Variants in PP2D1 observed in about 807,000 individuals in gnomAD.
PP2D1 encodes protein phosphatase 2C like domain containing 1.
A neutral mutation model predicts 30.2 loss-of-function variants in PP2D1; 25 were observed. The ratio of observed to expected loss-of-function variants is 0.83; its 90% CI spans 0.60 to 1.16. The LOEUF is 1.16. PP2D1 is among the 50% of genes most tolerant of loss of function. The pLI, the probability that PP2D1 is intolerant of heterozygous loss-of-function variation, is 0.00. For synonymous variants in PP2D1, 260 were observed against 258.9 expected (o/e 1.00, Z -0.04); for missense variants, 760 against 742.4 (o/e 1.02, Z -0.28).
intron 2 of PP2D1, among the ~76,000 whole-genome samples, chr3:19,995,963 A>C (rs1011764475): frequency 4.6e-5 from 7 of 152,198 alleles, no homozygotes; most frequent in African/African-American, 1.4e-4. Context: ...GGGATGCAGC[A>C]AAAGTGATAC....
At chr3:20,011,146 A>G (rs1397953214) in intron 1 of PP2D1, among the ~76,000 whole-genome samples, 1 of 152,172 alleles carries the variant, frequency 6.6e-6, no homozygotes, top group Non-Finnish European at 1.5e-5. Context: ...CAAGAGAATG[A>G]TCAGTTAGCC....
At chr3:20,008,906 A>G (rs920074498) in intron 1 of PP2D1, among the ~76,000 whole-genome samples, 1 of 152,188 alleles carries the variant, frequency 6.6e-6, no homozygotes, top group African/African-American at 2.4e-5. Context: ...GGGACACTGA[A>G]AAAAAAGCCT....
chr3:19,985,852 A>C lies in PP2D1; in HGVS notation c.1421T>G (p.Phe474Cys). 6.5e-7 allele frequency: 1 copy of C among 1,536,316 alleles called. No homozygotes were observed. Among genetic ancestry groups the C allele is most frequent in the Non-Finnish European group, 8.7e-7 (1 of 1,146,914 alleles). The change falls in exon 3 of 3, where the codon TTT (phenylalanine) becomes TGT (cysteine). Residue 474 changes from phenylalanine (F) to cysteine (C), a missense_variant. Physicochemically the swap from Phe to Cys is radical, Grantham distance 205. Around this residue, in one of 3 missense-constraint regions of PP2D1, gnomAD observed 369 missense variants for 316.2 expected, o/e 1.17. Transcript: ENST00000389050. ...ACAGTATGTTTCTTTATACATGTGAAATGTTGTCATTGCCAGGGCAGTAAC... is the reference window on the plus strand; with the variant it reads ...ACAGTATGTTTCTTTATACATGTGACATGTTGTCATTGCCAGGGCAGTAAC... ...EEVTALAMTT[F>C]HMYKETYCPI...
chr3:19,982,367 G>A (rs115814778), downstream of PP2D1, among the ~76,000 whole-genome samples: 1,325 of 152,326 alleles, frequency 8.7e-3, 8 homozygotes, highest in Non-Finnish European at 0.011. Context: ...AGGTATGTTT[G>A]TGTGTGAGTA....
intron 2 of PP2D1, among the ~76,000 whole-genome samples, chr3:20,000,068 A>G (rs1317541864): frequency 6.6e-6 from 1 of 152,302 alleles, no homozygotes; most frequent in African/African-American, 2.4e-5. Flanking sequence ...TGTCTCTGCC[A>G]CAAAGTCCCA....
rs1484563064 is a variant in PP2D1 at position 20,001,734 on chromosome 3, T to A, written c.386A>T (p.Gln129Leu). 1 of 1,531,772 alleles carries A rather than the reference T, an allele frequency of 6.5e-7. No individual in the cohort carries two copies. The highest frequency in any genetic ancestry group is 8.7e-7 in the Non-Finnish European group (1 of 1,145,296). The allele number at this position is 1,531,772 out of a possible 1,614,324, so 94.9% of individuals were successfully genotyped here. A position where few individuals can be genotyped will look rare whatever the true frequency, so the allele number is the denominator to read the frequency against. ...SSFMFTEKTL[Q>L]SINNAFELLW... ...CAGCTCAAAAGCATTATTAATGCTC[T>A]GTAGGGTTTTTTCAGTGAACATAAA... is the stretch of plus-strand genomic sequence containing the variant. The change falls in exon 2 of 3, where the codon CAG (glutamine) becomes CTG (leucine). Residue 129 changes from glutamine (Q) to leucine (L), a missense_variant. By Grantham distance (113) the Gln-to-Leu change is moderately radical. Coordinates refer to ENST00000389050, the MANE Select transcript of PP2D1 (RefSeq NM_001252657.2).
chr3:19,992,849 A>C (rs1697134627), intron 2 of PP2D1, among the ~76,000 whole-genome samples: 2 of 152,264 alleles, frequency 1.3e-5, no homozygotes, highest in South Asian at 4.1e-4. Flanking sequence ...TGAGAAGGGA[A>C]GGGGGCTTCA....
At chr3:19,989,992 T>G (rs1283218505) in intron 2 of PP2D1, among the ~76,000 whole-genome samples, 1 of 152,156 alleles carries the variant, frequency 6.6e-6, no homozygotes, top group Non-Finnish European at 1.5e-5. Flanking sequence ...TGTAGCGTTA[T>G]GCACTATTTG....
At chr3:20,000,963 A>T (rs1575087160) in intron 2 of PP2D1, 67 bp downstream of exon 2, 3 of 857,100 alleles carry the variant, frequency 3.5e-6, no homozygotes, top group Non-Finnish European at 4.7e-6. Context: ...TTGTGGAAGC[A>T]TGAGGGGTTT....
intron 1 of PP2D1, among the ~76,000 whole-genome samples, chr3:20,010,722 G>T (rs1251567890): frequency 1.3e-5 from 2 of 152,128 alleles, no homozygotes; most frequent in Non-Finnish European, 2.9e-5. Flanking sequence ...AGAATTGCTT[G>T]AACCCAGGGG....
downstream of PP2D1, chr3:19,985,278 T>A: frequency 2.5e-6 from 2 of 793,186 alleles, no homozygotes; most frequent in Non-Finnish European, 3.9e-6. Context: ...TTTACTATGT[T>A]CATAAAATTA....
intron 2 of PP2D1, among the ~76,000 whole-genome samples, chr3:19,994,459 C>A (rs1697153764): frequency 1.3e-5 from 2 of 152,150 alleles, no homozygotes; most frequent in African/African-American, 2.4e-5. Context: ...AACAACACCC[C>A]ATCTCTGCAA....
intron 2 of PP2D1, among the ~76,000 whole-genome samples, chr3:19,998,644 T>C (rs1468960372): frequency 2.6e-5 from 4 of 152,196 alleles, no homozygotes; most frequent in Non-Finnish European, 5.9e-5. Flanking sequence ...AGTACCTTTT[T>C]CTACATGCAC....
chr3:20,003,193 T>G (rs1471528771), intron 1 of PP2D1, among the ~76,000 whole-genome samples: 2 of 149,778 alleles, frequency 1.3e-5, no homozygotes, highest in Non-Finnish European at 3.0e-5. Flanking sequence ...CTCCTTATAT[T>G]AAAAAAAAAA....
At chr3:20,004,782 C>T (rs781394861) in intron 1 of PP2D1, among the ~76,000 whole-genome samples, 7 of 151,670 alleles carry the variant, frequency 4.6e-5, no homozygotes, top group African/African-American at 7.3e-5. Context: ...AAAAAAAATA[C>T]TTTGGTTACA....
intron 1 of PP2D1, among the ~76,000 whole-genome samples, chr3:20,011,590 G>A (rs1228829290): frequency 1.3e-5 from 2 of 152,062 alleles, no homozygotes; most frequent in South Asian, 2.1e-4. Context: ...CTTGAGGTCA[G>A]GAATTCGAGA....
downstream of PP2D1, among the ~76,000 whole-genome samples, chr3:19,980,543 A>T (rs947625843): frequency 2.6e-5 from 4 of 151,982 alleles, no homozygotes; most frequent in Admixed American, 6.6e-5. Flanking sequence ...CAATGCAAGG[A>T]CTAAAAAGTT....
intron 1 of PP2D1, among the ~76,000 whole-genome samples, chr3:20,010,942 C>T (rs1697378571): frequency 6.6e-6 from 1 of 152,216 alleles, no homozygotes; most frequent in African/African-American, 2.4e-5. Context: ...GTTTGCAGTG[C>T]TGTCCATATG....
rs374974957 is a variant in PP2D1, at chr3:19,991,483, G to C, written c.1091-5301C>G. Among the ~76,000 whole-genome samples, 6 of 152,268 alleles carry C rather than the reference G, an allele frequency of 3.9e-5. No homozygotes were observed. In the South Asian group the frequency reaches 8.3e-4, roughly 21 times the overall value. On this transcript the variant is annotated intron_variant, in intron 2 of 2. Coordinates refer to ENST00000389050, the MANE Select transcript of PP2D1 (RefSeq NM_001252657.2). ...AAACTTTATGTGGTGGTCAGAAAAA[G>C]ACATACCTATATACGTGATGGGTGA... is the stretch of plus-strand genomic sequence containing the variant.
Sources: gnomAD v4.1 joint callset for allele counts (sites outside exome capture counted in the v4.1 genomes callset) on GRCh38, gnomAD v4.1.1 for gene constraint, gnomAD v4.1.1 regional missense constraint, MANE v1.5 for transcripts, NCBI Gene and HGNC (gene_info 2026-07-23, HGNC 2026-07-21) for gene names.